Variants in DIAPH2 observed in about 807,000 individuals in gnomAD.
DIAPH2 encodes the protein protein diaphanous homolog 2.
In DIAPH2, 35 loss-of-function variants were observed where a neutral mutation model predicts 92.7. The observed-to-expected ratio is 0.38, with a 90% CI of 0.29 to 0.50. DIAPH2 has a LOEUF of 0.50. Among genes scored for constraint, DIAPH2 ranks in the 20% least tolerant of loss-of-function variants. The pLI is 0.94. For missense variants in DIAPH2, 701 were observed against 819.5 expected, an observed-to-expected ratio of 0.86 and a Z score of 1.77; for synonymous variants, 301 against 280.4, an observed-to-expected ratio of 1.07 and a Z score of -0.73.
At chrX:97,004,089 G>A (rs2066163031) in intron 17 of DIAPH2, among the ~76,000 whole-genome samples, 3 of 111,559 alleles carry the variant, frequency 2.7e-5, no homozygotes, top group African/African-American at 9.8e-5. Flanking sequence ...TCAAAAATGA[G>A]TTCACTGTAG....
chrX:96,914,624 A>G (rs965940103), intron 7 of DIAPH2, among the ~76,000 whole-genome samples: 1 of 110,412 alleles, frequency 9.1e-6, no homozygotes, highest in African/African-American at 3.3e-5. Context: ...TTTAATCAGG[A>G]CAGTCACTAG....
At chrX:97,011,952 G>A (rs969068837) in intron 17 of DIAPH2, among the ~76,000 whole-genome samples, 2 of 106,443 alleles carry the variant, frequency 1.9e-5, no homozygotes, top group African/African-American at 7.0e-5. Context: ...GATAGTAAAG[G>A]GTATTTCCAG....
chrX:97,163,560 G>A (rs1204550956), intron 22 of DIAPH2, among the ~76,000 whole-genome samples: 1 of 111,841 alleles, frequency 8.9e-6, no homozygotes, highest in Non-Finnish European at 1.9e-5. Context: ...CCCATAGACT[G>A]ATGTGGCTAA....
intron 4 of DIAPH2, among the ~76,000 whole-genome samples, chrX:96,867,553 G>A (rs780913791): frequency 4.8e-4 from 53 of 111,109 alleles, no homozygotes; most frequent in South Asian, 1.9e-3. Context: ...AGGACTTTGG[G>A]GTAAGCAGTA....
At chrX:96,772,550 G>T (rs996514546) in intron 4 of DIAPH2, among the ~76,000 whole-genome samples, 2 of 112,193 alleles carry the variant, frequency 1.8e-5, no homozygotes, top group African/African-American at 6.5e-5. Context: ...ATGCTTGTAT[G>T]AAATGCTTTC....
At chrX:96,794,521 CAA>C (rs57508608) in intron 4 of DIAPH2, among the ~76,000 whole-genome samples, 140 of 81,310 alleles carry the variant, frequency 1.7e-3, no homozygotes, top group African/African-American at 3.1e-3. Flanking sequence ...ATTAAATTGC[CAA>C]AAAAAAAAAA....
intron 4 of DIAPH2, among the ~76,000 whole-genome samples, chrX:96,828,575 A>C (rs942469623): frequency 8.9e-6 from 1 of 112,240 alleles, no homozygotes; most frequent in Non-Finnish European, 1.9e-5. Context: ...ATGGTAGAAA[A>C]ATTAATTACC....
At chrX:97,136,142 T>C (rs192284409) in intron 21 of DIAPH2, among the ~76,000 whole-genome samples, 81 of 112,148 alleles carry the variant, frequency 7.2e-4, no homozygotes, top group Non-Finnish European at 1.1e-3. Flanking sequence ...GTGTGGGAAC[T>C]TGAGAGAGGA....
At chrX:97,386,690 T>C (rs1366595670) in intron 25 of DIAPH2, among the ~76,000 whole-genome samples, 1 of 108,569 alleles carries the variant, frequency 9.2e-6, no homozygotes, top group Non-Finnish European at 1.9e-5. Context: ...AAAAGAAAAG[T>C]TCTGAAAGTT....
intron 19 of DIAPH2, among the ~76,000 whole-genome samples, chrX:97,086,928 G>A (rs954777171): frequency 1.2e-4 from 13 of 110,325 alleles, no homozygotes; most frequent in African/African-American, 4.3e-4. Context: ...GTTTACTGCT[G>A]GACAGCAATA....
At chrX:96,689,586 C>T (rs1441146903) in intron 1 of DIAPH2, among the ~76,000 whole-genome samples, 1 of 109,994 alleles carries the variant, frequency 9.1e-6, no homozygotes, top group African/African-American at 3.3e-5. Flanking sequence ...TCCTTAGTAC[C>T]ACACACCCTG....
intron 4 of DIAPH2, among the ~76,000 whole-genome samples, chrX:96,854,179 TC>T (rs1278124121): frequency 9.0e-6 from 1 of 110,664 alleles, no homozygotes; most frequent in Non-Finnish European, 1.9e-5. Flanking sequence ...ATATTTTACA[TC>T]GCAATGGAAA....
intron 5 of DIAPH2, among the ~76,000 whole-genome samples, chrX:96,899,407 C>T (rs930055932): frequency 1.8e-5 from 2 of 110,552 alleles, no homozygotes; most frequent in Admixed American, 9.6e-5. Flanking sequence ...TTTCATTGAG[C>T]AGTGGTTTGT....
rs1201523300 is a variant in DIAPH2 at position 96,750,297 on chromosome X, G to A, written c.343-7857G>A. ...CCCGCCTTGGCCTCCCAAAGTGCTG[G>A]GATTACAGGCATGACACTGTGCCTG... On this transcript the variant is annotated intron_variant, in intron 3 of 26. Coordinates refer to ENST00000324765, the MANE Select transcript of DIAPH2 (RefSeq NM_006729.5). Among the ~76,000 whole-genome samples the A allele has an allele frequency of 9.9e-5, 11 of 110,690 alleles. No homozygotes were observed. In the Admixed American group the frequency reaches 1.1e-3, roughly 11 times the overall value.
chrX:96,811,981 C>CT (rs1200132265), intron 4 of DIAPH2, among the ~76,000 whole-genome samples: 3 of 111,283 alleles, frequency 2.7e-5, no homozygotes, highest in Middle Eastern at 4.6e-3. Flanking sequence ...CTAAAATTCT[C>CT]TTTTTTTGTT....
chrX:97,118,094 C>G (rs1009966599), intron 21 of DIAPH2, among the ~76,000 whole-genome samples: 1 of 111,089 alleles, frequency 9.0e-6, no homozygotes, highest in African/African-American at 3.3e-5. Flanking sequence ...AGTATCAGAA[C>G]GTGACTCTGC....
At chrX:97,263,653 C>G (rs764950403) in intron 23 of DIAPH2, among the ~76,000 whole-genome samples, 1 of 109,226 alleles carries the variant, frequency 9.2e-6, no homozygotes, top group East Asian at 2.9e-4. Flanking sequence ...GTGGCACAAT[C>G]TCAGCTCACT....
intron 1 of DIAPH2, among the ~76,000 whole-genome samples, chrX:96,703,860 T>C (rs2063868634): frequency 8.9e-6 from 1 of 112,226 alleles, no homozygotes; most frequent in Non-Finnish European, 1.9e-5. Flanking sequence ...TGATTTGAAC[T>C]CAAGTCCCCT....
intron 1 of DIAPH2, among the ~76,000 whole-genome samples, chrX:96,708,860 A>G (rs748061209): frequency 9.0e-6 from 1 of 111,490 alleles, no homozygotes; most frequent in Non-Finnish European, 1.9e-5. Context: ...CTTCATTCAC[A>G]TATAAGCCTA....
Sources: gnomAD v4.1 joint callset for allele counts (sites outside exome capture counted in the v4.1 genomes callset) on GRCh38, gnomAD v4.1.1 for gene constraint, MANE v1.5 for transcripts, NCBI Gene and HGNC (gene_info 2026-07-23, HGNC 2026-07-21) for gene names.